MTAP: variants seen among roughly 807,000 people sequenced by gnomAD.
MTAP encodes the protein S-methyl-5'-thioadenosine phosphorylase.
Under a neutral mutation model 33.6 loss-of-function variants are expected in MTAP, and 33 were observed. The ratio of observed to expected loss-of-function variants is 0.98; its 90% confidence interval spans 0.74 to 1.31. The LOEUF is 1.31. Ranked by LOEUF, MTAP falls within the 40% of genes most tolerant of loss-of-function variation. The pLI is 0.00. For synonymous variants in MTAP, 148 were observed against 125.7 expected, an observed-to-expected ratio of 1.18 and a Z score of -1.19; for missense variants, 367 against 360.0, an observed-to-expected ratio of 1.02 and a Z score of -0.16.
chr9:21,848,230 G>C (rs1452830666), intron 5 of MTAP, among the ~76,000 whole-genome samples: 1 of 152,078 alleles, frequency 6.6e-6, no homozygotes, highest in Non-Finnish European at 1.5e-5. Context: ...ACCTATAACT[G>C]GACTGAAGTT....
intron 1 of MTAP, among the ~76,000 whole-genome samples, chr9:21,884,595 T>C (rs1189272114): frequency 6.6e-6 from 1 of 152,214 alleles, no homozygotes; most frequent in African/African-American, 2.4e-5. Context: ...AGATGTGGTA[T>C]GTAGTGGAGC....
At chr9:21,898,312 A>G (rs1429519714) in intron 1 of MTAP, among the ~76,000 whole-genome samples, 3 of 152,240 alleles carry the variant, frequency 2.0e-5, no homozygotes. Flanking sequence ...CATTCAGGAC[A>G]CAGGCATGGG....
chr9:21,807,379 G>C (rs551932219), intron 1 of MTAP, among the ~76,000 whole-genome samples: 1 of 152,274 alleles, frequency 6.6e-6, no homozygotes, highest in Admixed American at 6.5e-5. Context: ...GAGAGTCCTT[G>C]TGTGGCTATC....
intron 4 of MTAP, among the ~76,000 whole-genome samples, chr9:21,825,884 G>T (rs1393535688): frequency 6.6e-6 from 1 of 152,122 alleles, no homozygotes; most frequent in Non-Finnish European, 1.5e-5. Context: ...GCATTTTCTT[G>T]ATGATTAGTG....
chr9:21,925,958 G>A (rs979379155), intron 1 of MTAP, among the ~76,000 whole-genome samples: 1 of 152,166 alleles, frequency 6.6e-6, no homozygotes, highest in African/African-American at 2.4e-5. Flanking sequence ...CTGCCTGTGA[G>A]GGGAGACTGT....
chr9:21,911,843 C>G (rs932752618), intron 1 of MTAP, among the ~76,000 whole-genome samples: 1 of 152,028 alleles, frequency 6.6e-6, no homozygotes, highest in African/African-American at 2.4e-5. Context: ...AATCCAGGAG[C>G]TGGTTTTTTG....
At chr9:21,913,850 A>G (rs937866416) in intron 1 of MTAP, among the ~76,000 whole-genome samples, 19 of 152,238 alleles carry the variant, frequency 1.2e-4, no homozygotes, top group Non-Finnish European at 7.3e-5. Context: ...GGCAACCTAC[A>G]GAATGGGAGA....
At chr9:21,823,149 G>A (rs1045425168) in intron 4 of MTAP, among the ~76,000 whole-genome samples, 1 of 152,158 alleles carries the variant, frequency 6.6e-6, no homozygotes, top group Non-Finnish European at 1.5e-5. Context: ...ATATTGTTAT[G>A]TGTGAATTTG....
At chr9:21,927,895 A>G (rs1818895166) in intron 1 of MTAP, among the ~76,000 whole-genome samples, 1 of 152,224 alleles carries the variant, frequency 6.6e-6, no homozygotes, top group African/African-American at 2.4e-5. Context: ...AGAGACCTCC[A>G]ATCTTAGAGC....
At chr9:21,826,188 C>CTT (rs35502549) in intron 4 of MTAP, among the ~76,000 whole-genome samples, 126 of 138,752 alleles carry the variant, frequency 9.1e-4, no homozygotes, top group African/African-American at 3.2e-3. Flanking sequence ...AGAACATTTT[C>CTT]TTTTTTTTTT....
intron 1 of MTAP, among the ~76,000 whole-genome samples, chr9:21,804,644 G>A (rs929796033): frequency 1.3e-5 from 2 of 152,198 alleles, no homozygotes. Context: ...ATTCTGTATA[G>A]AAGATGTGAG....
intron 1 of MTAP, among the ~76,000 whole-genome samples, chr9:21,894,207 A>G (rs1818249198): frequency 9.0e-6 from 1 of 110,656 alleles, no homozygotes; most frequent in Non-Finnish European, 1.7e-5. Context: ...ACATCCTTTC[A>G]TGTTAAAAAA....
At chr9:21,805,037 C>T (rs1224563546) in intron 1 of MTAP, among the ~76,000 whole-genome samples, 1 of 152,190 alleles carries the variant, frequency 6.6e-6, no homozygotes, top group South Asian at 2.1e-4. Context: ...TGCACACCAC[C>T]CAGGTATAGG....
Position 21,818,317 on chromosome 9 carries a change from CTTTTTTT to C in MTAP, c.347+136_347+142del, listed in dbSNP as rs35709813. ...GAGGGCAGTGCCACAGACTCGCTTG[CTTTTTTT>C]TTTTTTTTTTTTTTTTTTTTGGAGA... is the stretch of plus-strand genomic sequence containing the variant. On this transcript the variant is annotated intron_variant, in intron 4 of 7. Transcript: ENST00000644715. 4.4e-3 allele frequency: 1,048 copies of C among 240,492 alleles called. 40 individuals are homozygous for C. The highest frequency in any genetic ancestry group is 0.017 in the African/African-American group (407 of 23,816). 14.9% of individuals were successfully genotyped at this position (240,492 alleles called of 1,614,324 possible). A position where few individuals can be genotyped will look rare whatever the true frequency, so the allele number is the denominator to read the frequency against.
At chr9:21,802,932 C>A (rs1284607691) in intron 1 of MTAP, 151 bp downstream of exon 1, 22 of 1,428,578 alleles carry the variant, frequency 1.5e-5, no homozygotes, top group Non-Finnish European at 1.8e-5. Context: ...TCGGGACTCA[C>A]TTGCCGCGCG....
chr9:21,841,673 G>T (rs1456604811), intron 5 of MTAP, among the ~76,000 whole-genome samples: 2 of 152,210 alleles, frequency 1.3e-5, no homozygotes, highest in Non-Finnish European at 2.9e-5. Context: ...ACCCAGAAGA[G>T]CAATAACAGT....
intron 1 of MTAP, among the ~76,000 whole-genome samples, chr9:21,925,166 G>A (rs1818849280): frequency 1.3e-5 from 2 of 152,208 alleles, no homozygotes; most frequent in South Asian, 4.1e-4. Flanking sequence ...AAAGCTAGAA[G>A]AGCCAAGCCT....
intron 1 of MTAP, among the ~76,000 whole-genome samples, chr9:21,928,190 C>T (rs934430486): frequency 2.0e-5 from 3 of 152,212 alleles, no homozygotes; most frequent in African/African-American, 7.2e-5. Flanking sequence ...CTACCTAATG[C>T]TTCCCAGTGG....
At chr9:21,930,764 A>C in intron 1 of MTAP, 1 of 707,658 alleles carries the variant, frequency 1.4e-6, no homozygotes, top group South Asian at 1.6e-5. Flanking sequence ...TAGATGAAAA[A>C]TGTTGCTTTT....
Sources: allele counts gnomAD v4.1 joint callset (sites outside exome capture counted in the v4.1 genomes callset), GRCh38; gene constraint gnomAD v4.1.1; transcripts MANE v1.5; gene names NCBI Gene and HGNC (gene_info 2026-07-23, HGNC 2026-07-21).